The following RTF2 variants were observed in gnomAD, a reference collection of about 807,000 sequenced individuals.
RTF2 encodes replication termination factor 2.
Under a neutral mutation model 38.0 loss-of-function variants are expected in RTF2, and 18 were observed. The observed-to-expected ratio is 0.47, with a 90% CI of 0.33 to 0.70. The LOEUF is 0.70. RTF2 is among the 30% of genes least tolerant of loss of function. RTF2 has a pLI of 0.02. For synonymous variants in RTF2, 126 were observed against 137.1 expected, an observed-to-expected ratio of 0.92 and a Z score of 0.57; for missense variants, 311 against 379.6, an observed-to-expected ratio of 0.82 and a Z score of 1.50.
At chr20:56,470,266 C>G (rs896565952) in intron 1 of RTF2, among the ~76,000 whole-genome samples, 1 of 152,012 alleles carries the variant, frequency 6.6e-6, no homozygotes, top group South Asian at 2.1e-4. Flanking sequence ...TTTTCTTGTG[C>G]CCAGGGCTGA....
chr20:56,475,406 C>G (rs901640270), intron 3 of RTF2, among the ~76,000 whole-genome samples: 1 of 152,180 alleles, frequency 6.6e-6, no homozygotes, highest in African/African-American at 2.4e-5. Flanking sequence ...GTCTAAGGCT[C>G]TAGGTTTTGC....
chr20:56,505,578 G>T (rs1212485770), intron 5 of RTF2, among the ~76,000 whole-genome samples: 1 of 151,698 alleles, frequency 6.6e-6, no homozygotes, highest in Non-Finnish European at 1.5e-5. Flanking sequence ...CCATTCCTGG[G>T]GGTCGAGGGT....
intron 4 of RTF2, among the ~76,000 whole-genome samples, chr20:56,483,579 T>C (rs927106788): frequency 1.3e-5 from 2 of 152,166 alleles, no homozygotes; most frequent in Non-Finnish European, 2.9e-5. Context: ...TCCTCCCATT[T>C]TGACCTCCCA....
intron 6 of RTF2, chr20:56,516,590 C>G (rs1003154610): frequency 3.0e-6 from 1 of 331,486 alleles, no homozygotes; most frequent in African/African-American, 2.1e-5. Context: ...CATTTAAGTG[C>G]GCTTTTGTAT....
intron 5 of RTF2, among the ~76,000 whole-genome samples, chr20:56,500,013 T>C (rs963110144): frequency 1.8e-4 from 27 of 151,944 alleles, no homozygotes; most frequent in African/African-American, 6.3e-4. Flanking sequence ...TGGGAATTTT[T>C]AGGTGTGAAC....
At chr20:56,517,335 A>G in intron 8 of RTF2, 134 bp downstream of exon 8, 1 of 690,312 alleles carries the variant, frequency 1.4e-6, no homozygotes, top group Non-Finnish European at 2.5e-6. Context: ...GAGTGCACTG[A>G]ACTCTCTTTA....
At chr20:56,472,538 C>T (rs1423824507) in intron 1 of RTF2, 2 of 539,024 alleles carry the variant, frequency 3.7e-6, no homozygotes, top group Non-Finnish European at 6.6e-6. Flanking sequence ...TTAAATTGAA[C>T]ATTTTATAAA....
At chr20:56,484,272 C>A in intron 5 of RTF2, 83 bp downstream of exon 5, 1 of 1,184,316 alleles carries the variant, frequency 8.4e-7, no homozygotes, top group Non-Finnish European at 1.3e-6. Context: ...TCCATTTGTT[C>A]TTTCTGAAAT....
intron 2 of RTF2, among the ~76,000 whole-genome samples, chr20:56,473,827 G>A (rs1568690976): frequency 6.6e-6 from 1 of 152,134 alleles, no homozygotes; most frequent in African/African-American, 2.4e-5. Flanking sequence ...GGTTGAAGCT[G>A]TAGTAAGCTA....
intron 4 of RTF2, among the ~76,000 whole-genome samples, chr20:56,481,229 G>T (rs1173710018): frequency 6.6e-6 from 1 of 152,140 alleles, no homozygotes; most frequent in Admixed American, 6.5e-5. Context: ...AGTAAAAATG[G>T]TTTCATTGAA....
At chr20:56,510,801 A>T (rs1034538657) in intron 5 of RTF2, among the ~76,000 whole-genome samples, 9 of 152,160 alleles carry the variant, frequency 5.9e-5, no homozygotes, top group Non-Finnish European at 8.8e-5. Flanking sequence ...TTAGCCAGGC[A>T]TGGTGGCGCA....
intron 5 of RTF2, among the ~76,000 whole-genome samples, chr20:56,491,964 C>G (rs559422854): frequency 6.6e-6 from 1 of 152,090 alleles, no homozygotes; most frequent in Non-Finnish European, 1.5e-5. Flanking sequence ...TTTGAACTTA[C>G]GGTGGAAAGG....
At position 56,512,608 on chromosome 20, in the gene RTF2, C is replaced by T. The variant is rs145651489; in HGVS notation, c.478-707C>T. Among the ~76,000 whole-genome samples, 120 of 152,196 alleles carry T rather than the reference C, an allele frequency of 7.9e-4. 3 individuals carry two copies. The East Asian group carries it at 0.017, about 21-fold the overall frequency. ...GACCCTGCTCGCAGTCTTGTTCTGC[C>T]GGGGTGTGTTGGGCGCCCCCAAGGC... On this transcript the variant is annotated intron_variant, in intron 5 of 8. Coordinates refer to ENST00000357348, the MANE Select transcript of RTF2 (RefSeq NM_016407.5).
In RTF2 at chr20:56,496,612, G is replaced by T. The variant is rs1307454026; in HGVS notation, c.477+12423G>T. On this transcript the variant is annotated intron_variant, in intron 5 of 8. Coordinates refer to ENST00000357348, the MANE Select transcript of RTF2 (RefSeq NM_016407.5). ...GCTGCTGTTGCTGCTGACTGCACAG[G>T]CATCCATATCGGTGGGTCTTTCTTA... The T allele has an allele frequency of 8.2e-6, 12 of 1,466,000 alleles. No individual in the cohort carries two copies. The East Asian group carries it at 3.0e-4, about 36-fold the overall frequency. 90.8% of individuals were successfully genotyped at this position (1,466,000 alleles called of 1,614,324 possible).
intron 5 of RTF2, among the ~76,000 whole-genome samples, chr20:56,502,840 A>G (rs1265627086): frequency 1.3e-5 from 2 of 152,188 alleles, no homozygotes; most frequent in Non-Finnish European, 2.9e-5. Context: ...GCTTCAGGAA[A>G]TGGGCTTTGA....
Position 56,495,340 on chromosome 20 carries a change from C to A in RTF2, c.477+11151C>A, listed in dbSNP as rs1413172504. On this transcript the variant is annotated intron_variant, in intron 5 of 8. Transcript: ENST00000357348. ...CCAGCATTCAGTGTGGAATCTGCTT[C>A]CCAGTTCTTTTAGTACAAGTTCTTC... is the stretch of plus-strand genomic sequence containing the variant. The A allele has an allele frequency of 2.8e-6, 4 of 1,424,224 alleles. No homozygotes were observed. The East Asian group carries it at 9.9e-5, about 35-fold the overall frequency. The allele number at this position is 1,424,224 out of a possible 1,614,324, so 88.2% of individuals were successfully genotyped here. A position where few individuals can be genotyped will look rare whatever the true frequency, so the allele number is the denominator to read the frequency against.
At chr20:56,507,172 A>G (rs1432819124) in intron 5 of RTF2, among the ~76,000 whole-genome samples, 1 of 152,176 alleles carries the variant, frequency 6.6e-6, no homozygotes, top group Non-Finnish European at 1.5e-5. Flanking sequence ...GGTATAATAC[A>G]TATTATTTAC....
At chr20:56,503,797 T>C (rs1316168658) in intron 5 of RTF2, among the ~76,000 whole-genome samples, 1 of 152,132 alleles carries the variant, frequency 6.6e-6, no homozygotes, top group East Asian at 1.9e-4. Flanking sequence ...GGTGAAACAC[T>C]GTCTCTACCA....
chr20:56,487,151 G>A (rs1227531121), intron 5 of RTF2, among the ~76,000 whole-genome samples: 1 of 152,166 alleles, frequency 6.6e-6, no homozygotes, highest in African/African-American at 2.4e-5. Flanking sequence ...CTTTGCGTTG[G>A]TTGGCCTAAA....
Sources: gnomAD v4.1 joint callset for allele counts (sites outside exome capture counted in the v4.1 genomes callset) on GRCh38, gnomAD v4.1.1 for gene constraint, MANE v1.5 for transcripts, NCBI Gene and HGNC (gene_info 2026-07-23, HGNC 2026-07-21) for gene names.